Variants in MINDY2 observed in about 807,000 individuals in gnomAD.
MINDY2 encodes the protein MINDY lysine 48 deubiquitinase 2.
In MINDY2, 52 loss-of-function variants were observed where a neutral mutation model predicts 68.2. The observed-to-expected ratio is 0.76, with a 90% CI of 0.61 to 0.96. The LOEUF (loss-of-function observed/expected upper bound fraction) is 0.96, where lower values mean the gene tolerates loss of function less well. Ranked by LOEUF, MINDY2 falls within the 40% of genes least tolerant of loss-of-function variation. The pLI is 0.00. For synonymous variants in MINDY2, 372 were observed against 303.0 expected (o/e 1.23, Z -2.36); for missense variants, 881 against 773.4 (o/e 1.14, Z -1.65).
intron 2 of MINDY2, among the ~76,000 whole-genome samples, chr15:58,797,890 G>A (rs1313658553): frequency 2.0e-5 from 3 of 152,124 alleles, no homozygotes; most frequent in African/African-American, 7.2e-5. Context: ...CAAAGGATGA[G>A]ATTGGTGCAA....
intron 5 of MINDY2, among the ~76,000 whole-genome samples, chr15:58,829,367 A>G (rs2031593294): frequency 6.6e-6 from 1 of 152,216 alleles, no homozygotes; most frequent in Non-Finnish European, 1.5e-5. Flanking sequence ...AAATTTTAAA[A>G]TTTAATATCC....
At chr15:58,852,137 T>G (rs2140871872) in intron 8 of MINDY2, among the ~76,000 whole-genome samples, 172 bp downstream of exon 8, 1 of 151,476 alleles carries the variant, frequency 6.6e-6, no homozygotes, top group South Asian at 2.1e-4. Flanking sequence ...AAATACAAAA[T>G]TAGCCGGGCG....
At chr15:58,786,252 T>C (rs1212440364) in intron 1 of MINDY2, among the ~76,000 whole-genome samples, 2 of 152,244 alleles carry the variant, frequency 1.3e-5, no homozygotes, top group African/African-American at 4.8e-5. Flanking sequence ...GGGGAATTGT[T>C]GGAGAAATTG....
intron 1 of MINDY2, among the ~76,000 whole-genome samples, chr15:58,785,135 C>CAAAAAAAAAA (rs397719705): frequency 5.7e-3 from 391 of 68,042 alleles, no homozygotes; most frequent in East Asian, 0.013. Context: ...TGAAGGAAAG[C>CAAAAAAAAAA]AAAAAAAAAA....
At chr15:58,819,707 C>T (rs1595748073) in intron 4 of MINDY2, among the ~76,000 whole-genome samples, 1 of 152,110 alleles carries the variant, frequency 6.6e-6, no homozygotes, top group East Asian at 1.9e-4. Context: ...TTTGAAAAGA[C>T]TTACTGAAGT....
intron 6 of MINDY2, among the ~76,000 whole-genome samples, chr15:58,835,405 C>A (rs2031943922): frequency 6.6e-6 from 1 of 152,122 alleles, no homozygotes; most frequent in Non-Finnish European, 1.5e-5. Context: ...GTAATCCCAG[C>A]ACTTTAGGAG....
At chr15:58,810,425 C>T (rs1259087685) in intron 4 of MINDY2, 37 bp downstream of exon 4, 1 of 1,482,964 alleles carries the variant, frequency 6.7e-7, no homozygotes, top group South Asian at 1.3e-5. Context: ...AACACAAATA[C>T]AGGAAAAATG....
At chr15:58,854,243 C>T (rs75290054) in intron 8 of MINDY2, among the ~76,000 whole-genome samples, 5 of 107,398 alleles carry the variant, frequency 4.7e-5, no homozygotes, top group Non-Finnish European at 7.8e-5. Context: ...GACTCTGTCT[C>T]AAAAAAAAAA....
chr15:58,779,039 G>A (rs1413952918), intron 1 of MINDY2, among the ~76,000 whole-genome samples: 1 of 150,852 alleles, frequency 6.6e-6, no homozygotes, highest in Admixed American at 6.6e-5. Context: ...TAAGATTACA[G>A]GCGTGAGCCA....
chr15:58,773,135 GA>G (rs5812950), intron 1 of MINDY2, among the ~76,000 whole-genome samples: 3 of 150,354 alleles, frequency 2.0e-5, no homozygotes, highest in Middle Eastern at 3.4e-3. Context: ...TGTTTCCTAG[GA>G]AAAAAAAACA....
chr15:58,811,331 G>A (rs1325893688), intron 4 of MINDY2, among the ~76,000 whole-genome samples: 1 of 152,212 alleles, frequency 6.6e-6, no homozygotes, highest in African/African-American at 2.4e-5. Flanking sequence ...TATTAGTCTA[G>A]CAATCCAGAT....
chr15:58,777,823 A>G (rs543336812), intron 1 of MINDY2, among the ~76,000 whole-genome samples: 100 of 152,212 alleles, frequency 6.6e-4, no homozygotes, highest in African/African-American at 2.2e-3. Context: ...GGGTCTCACT[A>G]TAGTGCCCCA....
intron 5 of MINDY2, among the ~76,000 whole-genome samples, chr15:58,822,260 A>G (rs1461740509): frequency 1.3e-5 from 2 of 152,100 alleles, no homozygotes; most frequent in African/African-American, 2.4e-5. Flanking sequence ...TCAAAAAAAA[A>G]AAAAAGAAGA....
chr15:58,834,809 T>G (rs1219624898), intron 6 of MINDY2, among the ~76,000 whole-genome samples: 1 of 152,214 alleles, frequency 6.6e-6, no homozygotes, highest in Non-Finnish European at 1.5e-5. Context: ...AATAATGACT[T>G]GTTTGCTTAT....
chr15:58,809,886 C>G (rs1289024728), intron 3 of MINDY2, among the ~76,000 whole-genome samples: 1 of 152,062 alleles, frequency 6.6e-6, no homozygotes, highest in Non-Finnish European at 1.5e-5. Flanking sequence ...TTCAAGTGAT[C>G]CTCCCACCTC....
At chr15:58,818,361 C>G (rs1216554439) in intron 4 of MINDY2, among the ~76,000 whole-genome samples, 2 of 152,106 alleles carry the variant, frequency 1.3e-5, no homozygotes, top group Non-Finnish European at 2.9e-5. Context: ...TGGGCTTAAG[C>G]AATCCTGTCT....
intron 5 of MINDY2, among the ~76,000 whole-genome samples, chr15:58,825,055 T>A (rs2031306102): frequency 6.6e-6 from 1 of 152,190 alleles, no homozygotes; most frequent in African/African-American, 2.4e-5. Flanking sequence ...TAGCTTTCCC[T>A]TTAAATCAAT....
intron 1 of MINDY2, among the ~76,000 whole-genome samples, chr15:58,780,449 T>A (rs1482845610): frequency 6.6e-6 from 1 of 151,572 alleles, no homozygotes; most frequent in East Asian, 1.9e-4. Context: ...TTTAAATAAC[T>A]AGTCCAAGGT....
intron 6 of MINDY2, among the ~76,000 whole-genome samples, chr15:58,846,351 TG>T (rs1452650718): frequency 1.3e-5 from 2 of 152,080 alleles, no homozygotes; most frequent in Non-Finnish European, 2.9e-5. Context: ...CCCAGCACTT[TG>T]GGAGGCTGAG....
Sources: allele counts gnomAD v4.1 joint callset (sites outside exome capture counted in the v4.1 genomes callset), GRCh38; gene constraint gnomAD v4.1.1; transcripts MANE v1.5; gene names NCBI Gene and HGNC (gene_info 2026-07-23, HGNC 2026-07-21).